The following VDAC1 variants were observed in gnomAD, a reference collection of about 807,000 sequenced individuals.
VDAC1 encodes the protein non-selective voltage-gated ion channel VDAC1.
In VDAC1, 10 loss-of-function variants were observed where a neutral mutation model predicts 34.7. The observed-to-expected ratio is 0.29, with a 90% CI of 0.18 to 0.49. VDAC1 has a LOEUF of 0.49. VDAC1 is among the 20% of genes least tolerant of loss of function. VDAC1 has a pLI of 0.99. For synonymous variants in VDAC1, 130 were observed against 136.0 expected (o/e 0.96, Z 0.30); for missense variants, 230 against 347.9 (o/e 0.66, Z 2.69).
At chr5:134,089,587 C>T in the VDAC1 span, among the ~76,000 whole-genome samples, 1,292 of 152,278 alleles carry the variant, frequency 8.5e-3, 13 homozygotes, top group African/African-American at 0.029. Flanking sequence ...AGGCAACCCC[C>T]CATCATGCCT....
chr5:134,032,152 T>C, the VDAC1 span, among the ~76,000 whole-genome samples: 2 of 92,066 alleles, frequency 2.2e-5, no homozygotes, highest in African/African-American at 9.7e-5. Flanking sequence ...AAAGCTACTC[T>C]GCTGGCTTTG....
chr5:134,078,389 C>T, the VDAC1 span, among the ~76,000 whole-genome samples: 4,826 of 152,224 alleles, frequency 0.032, 80 homozygotes, highest in African/African-American at 0.044. Context: ...GGGCAGGCAG[C>T]AGCTGGGAGC....
At chr5:134,090,077 T>G in the VDAC1 span, among the ~76,000 whole-genome samples, 21,045 of 152,126 alleles carry the variant, frequency 0.14, 2,354 homozygotes, top group African/African-American at 0.3. Flanking sequence ...TCGTCCAGTC[T>G]GGGGAGGACC....
the VDAC1 span, among the ~76,000 whole-genome samples, chr5:134,054,261 C>T: frequency 6.6e-6 from 1 of 152,124 alleles, no homozygotes; most frequent in Admixed American, 6.5e-5. Context: ...GTGGCTAGGG[C>T]GGGGCTGCCC....
chr5:134,075,652 C>T, the VDAC1 span, among the ~76,000 whole-genome samples: 2 of 152,046 alleles, frequency 1.3e-5, no homozygotes, highest in African/African-American at 4.8e-5. Context: ...GGCGCAATCT[C>T]GGCTCACTGC....
At chr5:134,093,661 G>C in the VDAC1 span, among the ~76,000 whole-genome samples, 1 of 152,232 alleles carries the variant, frequency 6.6e-6, no homozygotes, top group Non-Finnish European at 1.5e-5. Context: ...AGCCGGCAGA[G>C]AGAAGCATTC....
At chr5:134,083,012 C>T in the VDAC1 span, among the ~76,000 whole-genome samples, 7 of 152,202 alleles carry the variant, frequency 4.6e-5, no homozygotes, top group East Asian at 1.2e-3. Context: ...CAAGTAATGC[C>T]TTTCCTTTTG....
At chr5:134,008,761 T>C (rs1753791908), upstream of VDAC1, among the ~76,000 whole-genome samples, 1 of 152,258 alleles carries the variant, frequency 6.6e-6, no homozygotes, top group South Asian at 2.1e-4. Context: ...TAGTCATTTA[T>C]GTAAATTAAT....
the VDAC1 span, among the ~76,000 whole-genome samples, chr5:134,076,612 T>A: frequency 1.4e-4 from 22 of 152,154 alleles, no homozygotes; most frequent in Admixed American, 4.6e-4. Flanking sequence ...AGGGACTCCA[T>A]ACCCAGGCAG....
At chr5:134,027,767 C>CTT in the VDAC1 span, among the ~76,000 whole-genome samples, 268 of 120,630 alleles carry the variant, frequency 2.2e-3, 4 homozygotes, top group East Asian at 5.7e-3. Context: ...ATCTTGCCTA[C>CTT]TTTTTTTTTT....
intron 1 of VDAC1, among the ~76,000 whole-genome samples, chr5:133,993,513 A>ATCT (rs1027174820): frequency 1.3e-5 from 2 of 152,228 alleles, no homozygotes; most frequent in African/African-American, 4.8e-5. Flanking sequence ...TTCAACAAAT[A>ATCT]TTTATGGAGT....
chr5:134,033,973 C>T, the VDAC1 span, among the ~76,000 whole-genome samples: 1 of 151,434 alleles, frequency 6.6e-6, no homozygotes, highest in Non-Finnish European at 1.5e-5. Flanking sequence ...GCCTGGGCAA[C>T]AGAGCGAGAC....
At chr5:134,076,978 G>A in the VDAC1 span, among the ~76,000 whole-genome samples, 5 of 152,068 alleles carry the variant, frequency 3.3e-5, no homozygotes, top group East Asian at 9.6e-4. Flanking sequence ...AGCAATTTAA[G>A]TATTTCTTCA....
intron 1 of VDAC1, among the ~76,000 whole-genome samples, chr5:133,995,696 C>A (rs1753273256): frequency 6.6e-6 from 1 of 152,226 alleles, no homozygotes; most frequent in Admixed American, 6.5e-5. Flanking sequence ...CGAGACAGCT[C>A]TGCCGCTCCG....
chr5:134,098,791 TC>T, the VDAC1 span, among the ~76,000 whole-genome samples: 1 of 152,186 alleles, frequency 6.6e-6, no homozygotes, highest in East Asian at 1.9e-4. Context: ...TGAGGGGCCC[TC>T]CCAGAGGGTT....
intron 1 of VDAC1, among the ~76,000 whole-genome samples, chr5:134,001,154 C>T (rs192749771): frequency 6.6e-6 from 1 of 152,352 alleles, no homozygotes; most frequent in African/African-American, 2.4e-5. Context: ...TCTGTTAGCA[C>T]CTTGCAAGGG....
chr5:134,101,541 C>T, the VDAC1 span, among the ~76,000 whole-genome samples: 39 of 150,910 alleles, frequency 2.6e-4, no homozygotes, highest in Admixed American at 9.9e-4. Flanking sequence ...CCTGGGTGAC[C>T]GAGCGAGACT....
chr5:134,039,624 C>T, the VDAC1 span, among the ~76,000 whole-genome samples: 4 of 152,100 alleles, frequency 2.6e-5, no homozygotes, highest in Admixed American at 1.3e-4. Context: ...CCACCGCGCC[C>T]GGCAGACGTG....
chr5:134,017,556 C>T, the VDAC1 span, among the ~76,000 whole-genome samples: 1 of 152,196 alleles, frequency 6.6e-6, no homozygotes, highest in Non-Finnish European at 1.5e-5. Flanking sequence ...TGTGTTCTTT[C>T]CATAGTGCCT....
Sources: allele counts gnomAD v4.1 joint callset (sites outside exome capture counted in the v4.1 genomes callset), GRCh38; gene constraint gnomAD v4.1.1; transcripts MANE v1.5; gene names NCBI Gene and HGNC (gene_info 2026-07-23, HGNC 2026-07-21).